The following SERPINA9 variants were observed in gnomAD, a reference collection of about 807,000 sequenced individuals.
SERPINA9 encodes serpin family A member 9.
A neutral mutation model predicts 24.5 loss-of-function variants in SERPINA9; 32 were observed. The ratio of observed to expected loss-of-function variants is 1.30; its 90% CI spans 0.98 to 1.75. The LOEUF is 1.75. Among genes scored for constraint, SERPINA9 ranks in the 40% most tolerant of loss-of-function variants. The pLI is 0.00. For synonymous variants in SERPINA9, 233 were observed against 197.7 expected, an observed-to-expected ratio of 1.18 and a Z score of -1.50; for missense variants, 594 against 497.1, an observed-to-expected ratio of 1.19 and a Z score of -1.85.
At chr14:94,475,408 G>T in intron 1 of SERPINA9, among the ~76,000 whole-genome samples, 1 of 144,584 alleles carries the variant, frequency 6.9e-6, no homozygotes, top group East Asian at 2.0e-4. Context: ...ATATGCATGT[G>T]TGCCTACATG....
chr14:94,463,734 G>A (rs1162198851), intron 4 of SERPINA9, among the ~76,000 whole-genome samples: 1 of 152,206 alleles, frequency 6.6e-6, no homozygotes, highest in East Asian at 1.9e-4. Flanking sequence ...GGTTTGATAT[G>A]ACTAAGGTTA....
chr14:94,475,781 G>C (rs1899598650), intron 1 of SERPINA9: 1 of 365,774 alleles, frequency 2.7e-6, no homozygotes, highest in African/African-American at 2.1e-5. Context: ...TGCTCGTTAA[G>C]ACAAAGAAAC....
chr14:94,464,633 A>T, intron 4 of SERPINA9, 74 bp downstream of exon 4: 1 of 1,285,928 alleles, frequency 7.8e-7, no homozygotes, highest in Non-Finnish European at 1.1e-6. Flanking sequence ...CTTATCAACG[A>T]AATAAGAGCA....
rs781014132 is a variant in SERPINA9, at chr14:94,464,803, C to A, written c.954G>T (p.Leu318=). ...PRFSISASYN[L]ETILPKMGIQ... ...TGCCCATCTTCGGGAGGATGGTTTC[C>A]AGATTGTAGGAGGCAGAAATGGAAA... Residue 318 remains leucine (L), a synonymous_variant, in exon 4 of 5, where the codon CTG becomes CTT. Coordinates refer to ENST00000674397, the MANE Select transcript of SERPINA9 (RefSeq NM_175739.4). 2 of 1,613,600 alleles carry A rather than the reference C, an allele frequency of 1.2e-6. No individual in the cohort carries two copies. The highest frequency in any genetic ancestry group is 2.7e-5 in the African/African-American group (2 of 74,898).
rs373122783 is a variant in SERPINA9 at position 94,469,323 on chromosome 14, G to A, written c.518C>T (p.Ala173Val). The change falls in exon 2 of 5, where the codon GCG (alanine) becomes GTG (valine). Residue 173 changes from alanine to valine, a missense_variant. Transcript: ENST00000674397. ...TDFSNPSIAQ[A>V]RINSHVKKKT... is the part of the protein sequence containing the mutation. ...CTTTTTCACATGGCTGTTGATCCTC[G>A]CCTGGGCAATGGAGGGGTTGGAGAA... The A allele has an allele frequency of 7.1e-5, 115 of 1,614,168 alleles. 1 individual carries two copies. The highest frequency in any genetic ancestry group is 1.6e-4 in the Middle Eastern group (1 of 6,062).
intron 1 of SERPINA9, among the ~76,000 whole-genome samples, chr14:94,475,374 C>T (rs570200452): frequency 6.6e-6 from 1 of 152,162 alleles, no homozygotes; most frequent in East Asian, 1.9e-4. Context: ...GGAATGGATG[C>T]CCACCCTGCT....
At chr14:94,471,042 C>T (rs1038454285) in intron 1 of SERPINA9, among the ~76,000 whole-genome samples, 7 of 152,156 alleles carry the variant, frequency 4.6e-5, no homozygotes, top group Admixed American at 1.3e-4. Context: ...AGGTCACATC[C>T]GTCTGAAGGC....
At chr14:94,464,270 CCTCTCT>C (rs71129684) in intron 4 of SERPINA9, 1,089 of 54,342 alleles carry the variant, frequency 0.02, 6 homozygotes, top group South Asian at 0.035. Context: ...CTTTAAAACT[CCTCTCT>C]CTCTCTCTCT....
intron 1 of SERPINA9, among the ~76,000 whole-genome samples, chr14:94,475,713 A>G (rs567636284): frequency 6.6e-6 from 1 of 152,186 alleles, no homozygotes; most frequent in Non-Finnish European, 1.5e-5. Flanking sequence ...TCTTTTCTGC[A>G]CTTAAACACT....
Position 94,467,353 on chromosome 14 carries a change from A to G in SERPINA9, c.658T>C (p.Tyr220His), listed in dbSNP as rs772080455. ...AGGAATGGGAAGTTCTTTCTTGTAT[A>G]TTCAGGGTGAAAGGGCTTCTCCCAC... is the stretch of plus-strand genomic sequence containing the variant. The part of the protein sequence containing the change: ...AKWEKPFHPE[Y>H]TRKNFPFLVG... The change falls in exon 3 of 5, where the codon TAT becomes CAT. Residue 220 changes from tyrosine (Y) to histidine (H), a missense_variant. Coordinates refer to ENST00000674397, the MANE Select transcript of SERPINA9 (RefSeq NM_175739.4). 9 of 1,612,322 alleles carry G rather than the reference A, an allele frequency of 5.6e-6. No individual in the cohort carries two copies. The highest frequency in any genetic ancestry group is 1.3e-5 in the African/African-American group (1 of 74,924).
rs990378863 is a variant in SERPINA9 at position 94,469,602 on chromosome 14, G to A, written c.239C>T (p.Ala80Val). Residue 80 changes from alanine (A) to valine (V), a missense_variant, in exon 2 of 5, where the codon GCC becomes GTC. Transcript: ENST00000674397. ...TGAGTGGGCCCCAAGGGAGAGCATGGCCAGGGAAGTGGAGACACTCACAGG... is the reference window on the plus strand; with the variant it reads ...TGAGTGGGCCCCAAGGGAGAGCATGACCAGGGAAGTGGAGACACTCACAGG... Reference protein sequence around the residue: ...FSPVSVSTSLAMLSLGAHSVT... With the variant: ...FSPVSVSTSLVMLSLGAHSVT... The A allele has an allele frequency of 2.5e-6, 4 of 1,614,152 alleles. No homozygotes were observed. The highest frequency in any genetic ancestry group is 2.2e-5 in the East Asian group (1 of 44,886).
intron 4 of SERPINA9, 134 bp from the exon 5 acceptor site, chr14:94,463,430 T>C: frequency 1.4e-6 from 1 of 735,730 alleles, no homozygotes; most frequent in South Asian, 1.8e-5. Flanking sequence ...ATGCCTGGCA[T>C]TGGGTTTACT....
chr14:94,464,328 C>G, intron 4 of SERPINA9: 1 of 247,110 alleles, frequency 4.0e-6, no homozygotes, highest in Non-Finnish European at 7.7e-6. Context: ...TCCTTACACA[C>G]TGAAGGCCAG....
chr14:94,467,043 T>C (rs1367646613), intron 3 of SERPINA9, 66 bp downstream of exon 3: 8 of 1,535,320 alleles, frequency 5.2e-6, no homozygotes, highest in Non-Finnish European at 5.3e-6. Flanking sequence ...TAGCACAATC[T>C]CTCCCTCATC....
chr14:94,468,430 G>A (rs1899123573), intron 2 of SERPINA9, among the ~76,000 whole-genome samples: 1 of 152,116 alleles, frequency 6.6e-6, no homozygotes, highest in African/African-American at 2.4e-5. Context: ...ATGATACGGT[G>A]GCATCCATGA....
At chr14:94,466,340 C>G (rs1899004613) in intron 3 of SERPINA9, among the ~76,000 whole-genome samples, 1 of 152,178 alleles carries the variant, frequency 6.6e-6, no homozygotes, top group African/African-American at 2.4e-5. Context: ...TGAAAGTGAT[C>G]TCTCTCTGCT....
chr14:94,467,166 A>C lies in SERPINA9; in HGVS notation c.845T>G (p.Leu282Arg), dbSNP rs1421119943. Residue 282 changes from leucine to arginine, a missense_variant, in exon 3 of 5, where the codon CTG becomes CGG. By Grantham distance (102) the Leu-to-Arg change is moderately radical (BLOSUM62 -2). Transcript: ENST00000674397. ...VLPSKGKMRQ[L>R]EQALSARTLR... Reference sequence around the variant, plus strand: ...TGTTCTGGCTGACAAGGCCTGTTCCAGTTGCCTCATCTTGCCCTTGCTAGG... The same window carrying C: ...TGTTCTGGCTGACAAGGCCTGTTCCCGTTGCCTCATCTTGCCCTTGCTAGG... 1.9e-6 allele frequency: 3 copies of C among 1,614,218 alleles called. No individual in the cohort carries two copies. The Admixed American group carries it at 5.0e-5, about 27-fold the overall frequency.
rs948746779 is a variant in SERPINA9, at chr14:94,469,781, A to G, written c.60T>C (p.Cys20=). The G allele has an allele frequency of 3.2e-6, 5 of 1,541,120 alleles. No individual in the cohort carries two copies. The highest frequency in any genetic ancestry group is 3.5e-6 in the Non-Finnish European group (4 of 1,143,958). The stretch of plus-strand genomic sequence containing the variant: ...CACTGGGGGCATTGGCCGGGGACAC[A>G]CAGTAGATTGGAGCACAGAGGCCAA... The part of the protein sequence containing the change: ...FAVGLCAPIY[C]VSPANAPSAY... Residue 20 remains cysteine, a synonymous_variant, in exon 2 of 5, where the codon TGT becomes TGC. Transcript: ENST00000674397.
intron 1 of SERPINA9, among the ~76,000 whole-genome samples, chr14:94,470,646 T>C (rs947038430): frequency 4.6e-5 from 7 of 152,212 alleles, no homozygotes; most frequent in African/African-American, 1.7e-4. Flanking sequence ...AAAACAGAGA[T>C]AGTTACCTTA....
Sources: gnomAD v4.1 joint callset for allele counts (sites outside exome capture counted in the v4.1 genomes callset) on GRCh38, gnomAD v4.1.1 for gene constraint, MANE v1.5 for transcripts, NCBI Gene and HGNC (gene_info 2026-07-23, HGNC 2026-07-21) for gene names.